The following ABCC1 variants were observed in gnomAD, a reference collection of about 807,000 sequenced individuals.
ABCC1 encodes multidrug resistance-associated protein 1.
Under a neutral mutation model 172.9 loss-of-function variants are expected in ABCC1, and 83 were observed. The observed-to-expected ratio is 0.48, with a 90% CI of 0.40 to 0.58. ABCC1 has a LOEUF of 0.58. Ranked by LOEUF, ABCC1 falls within the 20% of genes least tolerant of loss-of-function variation. The probability of loss-of-function intolerance (pLI) is 0.00; values close to 1 mark genes in which losing one functional copy is unlikely to be tolerated. For synonymous variants in ABCC1, 937 were observed against 825.2 expected (o/e 1.14, Z -2.32); for missense variants, 1,817 against 2,002.7 (o/e 0.91, Z 1.77).
chr16:16,094,737 G>A (rs1037675541), intron 19 of ABCC1, among the ~76,000 whole-genome samples: 2 of 150,188 alleles, frequency 1.3e-5, no homozygotes, highest in South Asian at 4.2e-4. Flanking sequence ...GGATGGTCTC[G>A]ATCTCTTGAC....
At position 16,007,860 on chromosome 16, in the gene ABCC1, G is replaced by C. The variant is rs756513465; in HGVS notation, c.93G>C (p.Lys31Asn). The C allele has an allele frequency of 1.2e-6, 2 of 1,613,450 alleles. No homozygotes were observed. Among genetic ancestry groups the C allele is most frequent in the East Asian group, 2.2e-5 (1 of 44,848 alleles). Residue 31 changes from lysine (K) to asparagine (N), a missense_variant, in exon 2 of 31, where the codon AAG becomes AAC. Physicochemically the swap from Lys to Asn is moderately conservative, Grantham distance 94 (BLOSUM62 0). Transcript: ENST00000399410. ...TWNTSNPDFT[K>N]CFQNTVLVWV... ...ATACCAGCAACCCCGACTTCACCAA[G>C]TGCTTTCAGAACACGGTCCTCGTGT...
At chr16:16,139,720 G>A (rs763163944) in intron 30 of ABCC1, among the ~76,000 whole-genome samples, 8 of 151,062 alleles carry the variant, frequency 5.3e-5, no homozygotes, top group Non-Finnish European at 1.0e-4. Context: ...AGCCACCTCC[G>A]TAGGCATCAG....
At chr16:16,009,003 T>TGC (rs2047667732) in intron 2 of ABCC1, among the ~76,000 whole-genome samples, 1 of 150,686 alleles carries the variant, frequency 6.6e-6, no homozygotes, top group Non-Finnish European at 1.5e-5. Flanking sequence ...CAGGCTGGAG[T>TGC]GCAATGGTAT....
At chr16:15,954,683 C>G (rs11645172) in intron 1 of ABCC1, among the ~76,000 whole-genome samples, 1 of 152,122 alleles carries the variant, frequency 6.6e-6, no homozygotes, top group Non-Finnish European at 1.5e-5. Context: ...CAGCTGCAGC[C>G]GGTCCCTTTG....
At position 16,125,908 on chromosome 16, in the gene ABCC1, G is replaced by A; in HGVS notation, c.3816G>A (p.Lys1272=). The A allele has an allele frequency of 3.1e-6, 5 of 1,613,568 alleles. No homozygotes were observed. Among genetic ancestry groups the A allele is most frequent in the Non-Finnish European group, 4.2e-6 (5 of 1,179,698 alleles). Residue 1272 remains lysine (K), a synonymous_variant, in exon 26 of 31, where the codon AAG becomes AAA. Coordinates refer to ENST00000399410, the MANE Select transcript of ABCC1 (RefSeq NM_004996.4). ...ERLKEYSETE[K]EAPWQIQETA... is the part of the protein sequence containing the mutation. ...TCAAGGAGTATTCAGAGACTGAGAA[G>A]GAGGTAGGCAAGGGCCCCTGGCTGG...
intron 1 of ABCC1, among the ~76,000 whole-genome samples, chr16:15,966,196 C>G (rs2046238291): frequency 6.6e-6 from 1 of 151,788 alleles, no homozygotes; most frequent in Non-Finnish European, 1.5e-5. Context: ...GGGCGGATCA[C>G]GAGGTCAGGA....
chr16:16,044,317 G>A, intron 7 of ABCC1, 133 bp from the exon 8 acceptor site: 2 of 783,368 alleles, frequency 2.6e-6, no homozygotes. Context: ...ACTGTGCTGA[G>A]CTGCCTCTTT....
Position 16,090,572 on chromosome 16 carries a change from G to C in ABCC1, c.2628G>C (p.Gln876His). 1 of 1,601,170 alleles carries C rather than the reference G, an allele frequency of 6.2e-7. No homozygotes were observed. Among genetic ancestry groups the C allele is most frequent in the South Asian group, 1.1e-5 (1 of 90,428 alleles). The change falls in exon 19 of 31, where the codon CAG (glutamine) becomes CAC (histidine). Residue 876 changes from glutamine to histidine, a missense_variant. Transcript: ENST00000399410. ...LRTYASTEQE[Q>H]DAEENGVTGV... ...CCTATGCCAGCACAGAGCAGGAGCA[G>C]GATGCAGAGGAGAACGGTAGGGGCA...
chr16:16,081,783 G>A (rs188176583), intron 16 of ABCC1, among the ~76,000 whole-genome samples: 1 of 152,242 alleles, frequency 6.6e-6, no homozygotes, highest in East Asian at 1.9e-4. Context: ...ACTTTGGGAG[G>A]CTGAGGCAGG....
intron 5 of ABCC1, among the ~76,000 whole-genome samples, chr16:16,018,050 G>A (rs1754822252): frequency 6.6e-6 from 1 of 152,150 alleles, no homozygotes; most frequent in Admixed American, 6.5e-5. Flanking sequence ...GGGCAGGGAG[G>A]CCTTGGAGCA....
chr16:16,132,510 GTTTTTTTT>G (rs71137915), intron 27 of ABCC1, among the ~76,000 whole-genome samples: 10 of 37,298 alleles, frequency 2.7e-4, no homozygotes, highest in African/African-American at 2.0e-4. Context: ...TTGGTTGGTT[GTTTTTTTT>G]TTTTTTTTTT....
intron 5 of ABCC1, among the ~76,000 whole-genome samples, chr16:16,024,675 C>G (rs2048311571): frequency 6.6e-6 from 1 of 152,104 alleles, no homozygotes; most frequent in African/African-American, 2.4e-5. Context: ...AATTTTAACC[C>G]TACTGTGGTG....
chr16:16,105,878 C>CTTTT (rs574151579), intron 20 of ABCC1, among the ~76,000 whole-genome samples: 10 of 126,452 alleles, frequency 7.9e-5, no homozygotes, highest in South Asian at 5.2e-4. Context: ...GCGAAAAGTG[C>CTTTT]TTTTTTTTTT....
At chr16:16,101,735 G>A (rs4148367) in intron 19 of ABCC1, among the ~76,000 whole-genome samples, 17,570 of 152,162 alleles carry the variant, frequency 0.12, 1,177 homozygotes, top group Middle Eastern at 0.22. Flanking sequence ...ATTGTGAACC[G>A]GGAAAGAGAT....
chr16:16,016,602 C>T lies in ABCC1; in HGVS notation c.596C>T (p.Ser199Leu), dbSNP rs483352860. Reference sequence around the variant, plus strand: ...TTCTCAGATCGCTCACCCCTGTTCTCGGAAACCATCCACGACCCTGTAAGT... The same window carrying T: ...TTCTCAGATCGCTCACCCCTGTTCTTGGAAACCATCCACGACCCTGTAAGT... ...SCFSDRSPLF[S>L]ETIHDPNPCP... The change falls in exon 5 of 31, where the codon TCG becomes TTG. Residue 199 changes from serine to leucine, a missense_variant. This residue lies in a region of ABCC1 where 398 missense variants were observed against 384.2 expected (regional missense o/e 1.04). Coordinates refer to ENST00000399410, the MANE Select transcript of ABCC1 (RefSeq NM_004996.4). 2.3e-5 allele frequency: 37 copies of T among 1,614,178 alleles called. No homozygotes were observed. Among genetic ancestry groups the T allele is most frequent in the Admixed American group, 8.3e-5 (5 of 60,002 alleles).
chr16:15,955,177 G>T (rs538419117), intron 1 of ABCC1, among the ~76,000 whole-genome samples: 1 of 152,240 alleles, frequency 6.6e-6, no homozygotes, highest in Admixed American at 6.5e-5. Context: ...GCAGAATGGT[G>T]AAAACCTGTC....
At chr16:16,054,327 A>G (rs559797453) in intron 11 of ABCC1, among the ~76,000 whole-genome samples, 1 of 152,136 alleles carries the variant, frequency 6.6e-6, no homozygotes, top group South Asian at 2.1e-4. Flanking sequence ...TTTTACCTAA[A>G]TGGGCCCACG....
At chr16:16,103,295 G>T (rs1386552078) in intron 20 of ABCC1, among the ~76,000 whole-genome samples, 1 of 152,114 alleles carries the variant, frequency 6.6e-6, no homozygotes, top group Non-Finnish European at 1.5e-5. Flanking sequence ...AACTGGCTAA[G>T]TCGGCCAGGC....
At chr16:15,994,348 C>T (rs149382820) in intron 1 of ABCC1, among the ~76,000 whole-genome samples, 24 of 152,252 alleles carry the variant, frequency 1.6e-4, no homozygotes, top group African/African-American at 4.6e-4. Flanking sequence ...TCTAGGTTGA[C>T]GAGCCCAAGC....
Sources: allele counts gnomAD v4.1 joint callset (sites outside exome capture counted in the v4.1 genomes callset), GRCh38; gene constraint gnomAD v4.1.1; regional missense constraint gnomAD v4.1.1; transcripts MANE v1.5; gene names NCBI Gene and HGNC (gene_info 2026-07-23, HGNC 2026-07-21).